Variants in MATR3 observed in about 807,000 individuals in gnomAD.
The protein encoded by MATR3 is matrin-3.
A neutral mutation model predicts 85.5 loss-of-function variants in MATR3; 4 were observed. The observed-to-expected ratio is 0.05, with a 90% CI of 0.02 to 0.11. The LOEUF (loss-of-function observed/expected upper bound fraction) is 0.11, where lower values mean the gene tolerates loss of function less well. Among genes scored for constraint, MATR3 ranks in the 10% least tolerant of loss-of-function variants. The pLI is 1.00. For synonymous variants in MATR3, 336 were observed against 343.1 expected (o/e 0.98, Z 0.23); for missense variants, 685 against 1,016.1 (o/e 0.67, Z 4.43).
rs1354833142 is a variant in MATR3 at position 139,308,210 on chromosome 5, C to T, written c.795C>T (p.Leu265=). 9 of 1,614,052 alleles carry T rather than the reference C, an allele frequency of 5.6e-6. No individual in the cohort carries two copies. The highest frequency in any genetic ancestry group is 3.3e-4 in the Middle Eastern group (2 of 6,060). The stretch of plus-strand genomic sequence containing the variant: ...CTGGCCCCTTACAAGAGAGATCTCT[C>T]TTTGAGAAAAAGAGAGGCGCTCCTC... ...RGPGPLQERS[L]FEKKRGAPPS... The change falls in exon 2 of 15, where the codon CTC becomes CTT. Residue 265 remains leucine, a synonymous_variant. Coordinates refer to ENST00000394805, the MANE Select transcript of MATR3 (RefSeq NM_018834.6).
intron 6 of MATR3, 28 bp downstream of exon 6, chr5:139,317,133 GTATT>G (rs1561938922): frequency 1.2e-6 from 2 of 1,608,870 alleles, no homozygotes; most frequent in South Asian, 1.1e-5. Flanking sequence ...TGGTTTTACT[GTATT>G]TATGATTTTT....
chr5:139,317,617 A>G lies in MATR3; in HGVS notation c.1204A>G (p.Ile402Val), dbSNP rs762022808. Residue 402 changes from isoleucine (I) to valine (V), a missense_variant, in exon 7 of 15, where the codon ATC (isoleucine) becomes GTC (valine). This residue lies in a region of MATR3 where 223 missense variants were observed against 334.4 expected (regional missense o/e 0.67). Transcript: ENST00000394805. ...ATAGGAAACTAGCAGAGTTGTTCACATCATGGATTTTCAACGAGGGAAAAA... is the reference window on the plus strand; with the variant it reads ...ATAGGAAACTAGCAGAGTTGTTCACGTCATGGATTTTCAACGAGGGAAAAA... ...GRVETSRVVH[I>V]MDFQRGKNLR... The G allele has an allele frequency of 3.7e-6, 6 of 1,611,846 alleles. 1 individual carries two copies. The Middle Eastern group carries it at 1.4e-3, about 363-fold the overall frequency.
chr5:139,304,632 T>C (rs1754617703), intron 1 of MATR3, among the ~76,000 whole-genome samples: 1 of 152,196 alleles, frequency 6.6e-6, no homozygotes, highest in Non-Finnish European at 1.5e-5. Flanking sequence ...GGTTCTGCAT[T>C]GATGGGCATT....
At chr5:139,311,260 A>C (rs913511420) in intron 2 of MATR3, 2 of 152,032 alleles carry the variant, frequency 1.3e-5, no homozygotes, top group Non-Finnish European at 2.9e-5. Context: ...TTTTCTCTCT[A>C]TAAGGTATCT....
At position 139,307,371 on chromosome 5, in the gene MATR3, A is replaced by T. The variant is rs1332278121; in HGVS notation, c.-45A>T. 1.3e-6 allele frequency: 2 copies of T among 1,574,384 alleles called. No individual in the cohort carries two copies. Among genetic ancestry groups the T allele is most frequent in the Non-Finnish European group, 1.7e-6 (2 of 1,167,320 alleles). On this transcript the variant is annotated 5_prime_UTR_variant, in exon 2 of 15. Transcript: ENST00000394805. The surrounding 1 kb of genome is among the most constrained non-coding windows in gnomAD (Gnocchi z 4.4). ...CTTTCTTTTTGGCCGTCTTTAAAAA[A>T]ATTTTTTTTTTTAATCTATAAAATA... is the stretch of plus-strand genomic sequence containing the variant.
intron 6 of MATR3, among the ~76,000 whole-genome samples, chr5:139,317,390 T>C (rs1200702127): frequency 6.6e-6 from 1 of 152,218 alleles, no homozygotes; most frequent in African/African-American, 2.4e-5. Flanking sequence ...TTTGACACTT[T>C]GAAGTAGTTT....
At chr5:139,296,480 C>A (rs1038339648) in intron 1 of MATR3, among the ~76,000 whole-genome samples, 23 of 152,064 alleles carry the variant, frequency 1.5e-4, no homozygotes, top group African/African-American at 5.6e-4. Context: ...GAAATAACAT[C>A]AACTTTTGTA....
At chr5:139,325,752 A>G in intron 13 of MATR3, 90 bp downstream of exon 13, 3 of 1,081,426 alleles carry the variant, frequency 2.8e-6, no homozygotes, top group East Asian at 2.5e-5. Context: ...TTGGTCTTAC[A>G]TAAGCTGTGA....
chr5:139,316,715 A>C (rs1207857815), intron 5 of MATR3, among the ~76,000 whole-genome samples: 1 of 151,950 alleles, frequency 6.6e-6, no homozygotes, highest in Admixed American at 6.6e-5. Flanking sequence ...ACACCCAGCT[A>C]ATTTTTATAT....
rs1561938220 is a variant in MATR3, at chr5:139,316,149, C to T, written c.1090C>T (p.His364Tyr). 7 of 1,613,916 alleles carry T rather than the reference C, an allele frequency of 4.3e-6. No homozygotes were observed. The highest frequency in any genetic ancestry group is 5.9e-6 in the Non-Finnish European group (7 of 1,179,912). The part of the protein sequence containing the change: ...GILGPPPPSF[H>Y]LGGPAVGPRG... The stretch of plus-strand genomic sequence containing the variant: ...TCTGGGACCTCCACCTCCCTCATTT[C>T]ATCTTGGGGGACCAGCAGTTGGACC... The change falls in exon 5 of 15, where the codon CAT becomes TAT. Residue 364 changes from histidine (H) to tyrosine (Y), a missense_variant. By Grantham distance (83) the His-to-Tyr change is moderately conservative. Coordinates refer to ENST00000394805, the MANE Select transcript of MATR3 (RefSeq NM_018834.6).
intron 1 of MATR3, among the ~76,000 whole-genome samples, chr5:139,275,347 A>G (rs1205734815): frequency 6.6e-6 from 1 of 151,872 alleles, no homozygotes; most frequent in African/African-American, 2.4e-5. Context: ...TGGCACGACT[A>G]CTGCCTCCAA....
intron 9 of MATR3, among the ~76,000 whole-genome samples, chr5:139,319,929 A>C (rs1236861158): frequency 1.2e-5 from 1 of 86,920 alleles, no homozygotes; most frequent in Non-Finnish European, 2.3e-5. Flanking sequence ...CTGGAGGACT[A>C]GTTGTTTGCT....
In MATR3 at chr5:139,281,444, G is replaced by A. The variant is rs528113500; in HGVS notation, c.-178+2315G>A. ...TGCAACCTCCACCTCCTGGGTTCAA[G>A]CAATTCTCTTGCCTCAGCCACCCAA... On this transcript the variant is annotated intron_variant, in intron 3 of 16. Coordinates refer to ENST00000509990, the Ensembl canonical transcript of MATR3. 1.5e-3 allele frequency among the ~76,000 whole-genome samples: 225 copies of A among 145,824 alleles called. 1 individual carries two copies. The highest frequency in any genetic ancestry group is 5.1e-3 in the African/African-American group (200 of 39,572).
chr5:139,331,674 T>G lies in MATR3; in HGVS notation c.*2279T>G, dbSNP rs1302780212. The G allele has an allele frequency of 2.3e-6, 1 of 438,206 alleles. No homozygotes were observed. The highest frequency in any genetic ancestry group is 1.6e-5 in the South Asian group (1 of 60,786). 27.1% of individuals were successfully genotyped at this position (438,206 alleles called of 1,614,324 possible). ...AGTGAATGAAACTTCTAGAAGTACC[T>G]TGAGTTTGTTTTACAGTTCTTTTTT... On this transcript the variant is annotated 3_prime_UTR_variant, in exon 15 of 15. Coordinates refer to ENST00000394805, the MANE Select transcript of MATR3 (RefSeq NM_018834.6).
At chr5:139,315,129 G>T (rs1755177242) in intron 3 of MATR3, 2 of 194,638 alleles carry the variant, frequency 1.0e-5, no homozygotes, top group Non-Finnish European at 1.1e-5. Context: ...TCATTGTCCA[G>T]CAAAATCCTT....
chr5:139,315,784 A>G (rs377018222), intron 4 of MATR3, 46 bp downstream of exon 4: 132 of 1,441,650 alleles, frequency 9.2e-5, no homozygotes, highest in Non-Finnish European at 1.3e-4. Context: ...AGATCAATGT[A>G]AGGAATTCAG....
At chr5:139,304,547 A>G (rs1191412157) in intron 1 of MATR3, among the ~76,000 whole-genome samples, 2 of 151,876 alleles carry the variant, frequency 1.3e-5, no homozygotes, top group Non-Finnish European at 2.9e-5. Flanking sequence ...AGTAAATGGC[A>G]TTTGTGTAGT....
At chr5:139,278,004 A>C (rs1010991732) in intron 2 of MATR3, among the ~76,000 whole-genome samples, 1 of 151,912 alleles carries the variant, frequency 6.6e-6, no homozygotes, top group African/African-American at 2.4e-5. Context: ...CTGAGGTGGG[A>C]GGATCATTTG....
chr5:139,293,951 C>T, intron 1 of MATR3, 146 bp downstream of exon 1: 2 of 1,209,718 alleles, frequency 1.7e-6, no homozygotes. Context: ...CTCCGCGTTG[C>T]GTATGTGAGC....
Sources: allele counts gnomAD v4.1 joint callset (sites outside exome capture counted in the v4.1 genomes callset), GRCh38; gene constraint gnomAD v4.1.1; regional missense constraint gnomAD v4.1.1; non-coding constraint Gnocchi (gnomAD v3.1); transcripts MANE v1.5; gene names NCBI Gene and HGNC (gene_info 2026-07-23, HGNC 2026-07-21).